Variants in RBFOX1 observed in about 807,000 individuals in gnomAD.
The protein encoded by RBFOX1 is RNA binding fox-1 homolog 1.
A neutral mutation model predicts 57.7 loss-of-function variants in RBFOX1; 8 were observed. The ratio of observed to expected loss-of-function variants is 0.14; its 90% CI spans 0.08 to 0.25. The LOEUF (loss-of-function observed/expected upper bound fraction) is 0.25. Ranked by LOEUF, RBFOX1 falls within the 10% of genes least tolerant of loss-of-function variation. The pLI is 1.00. For synonymous variants in RBFOX1, 326 were observed against 222.4 expected, an observed-to-expected ratio of 1.47 and a Z score of -4.15; for missense variants, 611 against 548.5, an observed-to-expected ratio of 1.11 and a Z score of -1.14.
chr16:5,393,978 C>G (rs1406486128), intron 1 of RBFOX1, among the ~76,000 whole-genome samples: 1 of 152,154 alleles, frequency 6.6e-6, no homozygotes, highest in Non-Finnish European at 1.5e-5. Flanking sequence ...CCGTATTTGT[C>G]TTTTCGTGTC....
chr16:6,120,992 A>G (rs1250141251), intron 1 of RBFOX1, among the ~76,000 whole-genome samples: 1 of 152,186 alleles, frequency 6.6e-6, no homozygotes, highest in Non-Finnish European at 1.5e-5. Flanking sequence ...GAGTTTTCAC[A>G]CTTGATCTTA....
intron 3 of RBFOX1, among the ~76,000 whole-genome samples, chr16:5,677,740 C>T (rs1313472329): frequency 6.6e-6 from 1 of 152,096 alleles, no homozygotes; most frequent in Non-Finnish European, 1.5e-5. Flanking sequence ...AGGTGAGTAG[C>T]AGTTAGCTAG....
At chr16:6,896,019 A>G (rs563648898) in intron 3 of RBFOX1, among the ~76,000 whole-genome samples, 4 of 152,244 alleles carry the variant, frequency 2.6e-5, no homozygotes, top group South Asian at 2.1e-4. Context: ...AGAATGGGAT[A>G]TCCATTGGGT....
chr16:7,303,600 C>T (rs1276932203), intron 4 of RBFOX1, among the ~76,000 whole-genome samples: 1 of 151,760 alleles, frequency 6.6e-6, no homozygotes, highest in Non-Finnish European at 1.5e-5. Flanking sequence ...TTAAAAAAAG[C>T]GAAGGGGAGG....
At chr16:6,222,368 C>A (rs986170417) in intron 1 of RBFOX1, among the ~76,000 whole-genome samples, 1 of 151,904 alleles carries the variant, frequency 6.6e-6, no homozygotes, top group Non-Finnish European at 1.5e-5. Flanking sequence ...TTTCTGGAGA[C>A]AAAAACATAA....
At chr16:5,599,160 C>G (rs2047283364) in exon 3 of RBFOX1, 1 of 708,324 alleles carries the variant, frequency 1.4e-6, no homozygotes, top group Non-Finnish European at 2.6e-6. Context: ...GTATTCCCAG[C>G]CTCTGGTACA....
At chr16:5,539,667 G>C (rs763653976) in intron 2 of RBFOX1, among the ~76,000 whole-genome samples, 1 of 152,142 alleles carries the variant, frequency 6.6e-6, no homozygotes, top group Non-Finnish European at 1.5e-5. Flanking sequence ...GATGGGAATA[G>C]TTAATTTGTA....
At chr16:5,463,406 C>G (rs1029542565) in intron 1 of RBFOX1, among the ~76,000 whole-genome samples, 1 of 151,876 alleles carries the variant, frequency 6.6e-6, no homozygotes, top group Non-Finnish European at 1.5e-5. Context: ...TTGAGCTTAG[C>G]AATACTAGAT....
chr16:7,167,123 C>T (rs964467335), intron 4 of RBFOX1, among the ~76,000 whole-genome samples: 9 of 151,016 alleles, frequency 6.0e-5, no homozygotes, highest in African/African-American at 1.7e-4. Flanking sequence ...GTAGCTGAGA[C>T]TACAGGTGCC....
chr16:5,713,761 C>A lies in RBFOX1; in HGVS notation c.318+114800C>A, dbSNP rs112040277. ...AGAGAGACTCATGCAAACTGCCCCC[C>A]TCCCTGGAACATTGGCTTGATTTTG... On this transcript the variant is annotated intron_variant, in intron 3 of 19. Transcript: ENST00000641259. Among the ~76,000 whole-genome samples, 376 of 152,324 alleles carry A rather than the reference C, an allele frequency of 2.5e-3. 2 individuals are homozygous for A. Among genetic ancestry groups the A allele is most frequent in the South Asian group, 4.4e-3 (21 of 4,822 alleles).
intron 3 of RBFOX1, among the ~76,000 whole-genome samples, chr16:6,917,345 A>C (rs376361170): frequency 6.6e-6 from 1 of 152,244 alleles, no homozygotes. Context: ...TGGTGAAATC[A>C]GTATATGGGA....
intron 2 of RBFOX1, among the ~76,000 whole-genome samples, chr16:6,421,967 C>G (rs1416644260): frequency 1.4e-5 from 2 of 147,370 alleles, no homozygotes; most frequent in African/African-American, 5.2e-5. Context: ...GTTGCCCACC[C>G]TGGAGTGCAG....
chr16:5,842,158 C>G (rs970309992), intron 3 of RBFOX1, among the ~76,000 whole-genome samples: 6 of 152,138 alleles, frequency 3.9e-5, no homozygotes, highest in African/African-American at 1.2e-4. Flanking sequence ...CAAGTTTAGA[C>G]TTGTTAGAGG....
chr16:7,065,784 AT>A (rs1456210915), intron 4 of RBFOX1, among the ~76,000 whole-genome samples: 1 of 152,262 alleles, frequency 6.6e-6, no homozygotes, highest in Non-Finnish European at 1.5e-5. Flanking sequence ...AGTTTGTATT[AT>A]TTGACCAATA....
intron 3 of RBFOX1, among the ~76,000 whole-genome samples, chr16:5,620,214 C>G (rs2048162707): frequency 6.6e-6 from 1 of 152,068 alleles, no homozygotes; most frequent in South Asian, 2.1e-4. Context: ...ATCATCAGTC[C>G]TGGCATTAGC....
At chr16:7,277,693 G>T (rs566206150) in intron 4 of RBFOX1, among the ~76,000 whole-genome samples, 1 of 152,056 alleles carries the variant, frequency 6.6e-6, no homozygotes, top group Non-Finnish European at 1.5e-5. Context: ...GATACCCATC[G>T]AAAAATCAAA....
intron 3 of RBFOX1, among the ~76,000 whole-genome samples, chr16:7,046,951 C>G (rs2048184268): frequency 6.6e-6 from 1 of 151,546 alleles, no homozygotes; most frequent in Non-Finnish European, 1.5e-5. Context: ...AATTAAAAAG[C>G]TCTTCATGCA....
At chr16:6,898,972 ATGTG>A (rs899463578) in intron 3 of RBFOX1, among the ~76,000 whole-genome samples, 4 of 150,588 alleles carry the variant, frequency 2.7e-5, no homozygotes, top group East Asian at 2.0e-4. Flanking sequence ...TATGTGTATG[ATGTG>A]TGTATGTGTG....
chr16:5,842,463 T>C (rs867255540), intron 3 of RBFOX1, among the ~76,000 whole-genome samples: 4 of 152,194 alleles, frequency 2.6e-5, no homozygotes, highest in Non-Finnish European at 5.9e-5. Flanking sequence ...GGCAAGCATG[T>C]ATTAAGCACC....
Sources: allele counts gnomAD v4.1 joint callset (sites outside exome capture counted in the v4.1 genomes callset), GRCh38; gene constraint gnomAD v4.1.1; transcripts MANE v1.5; gene names NCBI Gene and HGNC (gene_info 2026-07-23, HGNC 2026-07-21).